ATP13A4: variants seen among roughly 807,000 people sequenced by gnomAD.
ATP13A4 encodes the protein ATPase 13A4, also known as probable cation-transporting ATPase 13A4.
ATP13A4 carries 114 observed loss-of-function variants against 142.5 expected under a neutral mutation model. That is an observed-to-expected ratio of 0.80 (90% CI 0.69 to 0.93). ATP13A4 has a LOEUF of 0.93. Among genes scored for constraint, ATP13A4 ranks in the 40% least tolerant of loss-of-function variants. The pLI is 0.00. For synonymous variants in ATP13A4, 488 were observed against 514.8 expected (o/e 0.95, Z 0.70); for missense variants, 1,392 against 1,454.0 (o/e 0.96, Z 0.69).
chr3:193,552,799 C>T (rs1003039714), intron 1 of ATP13A4, among the ~76,000 whole-genome samples: 3 of 152,198 alleles, frequency 2.0e-5, no homozygotes, highest in African/African-American at 7.2e-5. Context: ...TAGGGAAAGC[C>T]TGTGTGCATC....
At position 193,451,982 on chromosome 3, in the gene ATP13A4, A is replaced by G. The variant is rs969411118; in HGVS notation, c.2027+2119T>C. ...GTGATTTGTGTTTAGACCATACAAG[A>G]TTTTAAGAAGTTAGAATTTCAGTAC... On this transcript the variant is annotated intron_variant, in intron 17 of 29. Transcript: ENST00000342695. Among the ~76,000 whole-genome samples, 6 of 152,150 alleles carry G rather than the reference A, an allele frequency of 3.9e-5. 1 individual carries two copies. Among genetic ancestry groups the G allele is most frequent in the Admixed American group, 3.3e-4 (5 of 15,274 alleles).
intron 8 of ATP13A4, among the ~76,000 whole-genome samples, chr3:193,482,392 C>A (rs917364763): frequency 6.6e-6 from 1 of 152,010 alleles, no homozygotes; most frequent in African/African-American, 2.4e-5. Flanking sequence ...AAAGCATGAT[C>A]CACAATAGAA....
chr3:193,461,866 G>C (rs1717965522), intron 13 of ATP13A4, among the ~76,000 whole-genome samples: 1 of 152,174 alleles, frequency 6.6e-6, no homozygotes. Context: ...CACAGGAGAG[G>C]ACTGTGCAAA....
At chr3:193,504,561 T>C (rs1242595014) in intron 2 of ATP13A4, among the ~76,000 whole-genome samples, 1 of 152,164 alleles carries the variant, frequency 6.6e-6, no homozygotes, top group African/African-American at 2.4e-5. Flanking sequence ...TTGGTAACTA[T>C]TAGAGCAGGC....
intron 7 of ATP13A4, among the ~76,000 whole-genome samples, chr3:193,489,199 C>T (rs1230519992): frequency 4.6e-5 from 7 of 152,082 alleles, no homozygotes; most frequent in Non-Finnish European, 8.8e-5. Flanking sequence ...AAGCCTTGTC[C>T]GGATGAGGTT....
chr3:193,532,509 G>A (rs1391116555), intron 1 of ATP13A4, among the ~76,000 whole-genome samples: 1 of 151,142 alleles, frequency 6.6e-6, no homozygotes. Context: ...CCATTTTTAT[G>A]TATTAAATTG....
chr3:193,432,324 G>C (rs966265871), intron 25 of ATP13A4, among the ~76,000 whole-genome samples: 1 of 152,048 alleles, frequency 6.6e-6, no homozygotes, highest in Non-Finnish European at 1.5e-5. Flanking sequence ...ATGCAAACTA[G>C]TATAGCTGTT....
Position 193,454,120 on chromosome 3 carries a change from G to T in ATP13A4, c.2008C>A (p.His670Asn). The T allele has an allele frequency of 6.2e-7, 1 of 1,613,062 alleles. No homozygotes were observed. Among genetic ancestry groups the T allele is most frequent in the Non-Finnish European group, 8.5e-7 (1 of 1,178,990 alleles). The change falls in exon 17 of 30, where the codon CAC becomes AAC. Residue 670 changes from histidine (H) to asparagine (N), a missense_variant. Physicochemically the swap from His to Asn is moderately conservative, Grantham distance 68. Transcript: ENST00000342695. ...ATTTACCTCGTCAAGGTAGTAGCGT[G>T]ATGGTCATTTTCCAGCTTCTTGTAG... ...LAYKKLENDH[H>N]ATTLTRETVE... is the part of the protein sequence containing the mutation.
chr3:193,456,913 C>G, intron 16 of ATP13A4, 87 bp downstream of exon 16: 8 of 1,494,070 alleles, frequency 5.4e-6, no homozygotes, highest in Non-Finnish European at 7.3e-6. Flanking sequence ...GACCCATAGG[C>G]GATTGAATTA....
At chr3:193,538,939 A>G (rs1420670318) in intron 1 of ATP13A4, among the ~76,000 whole-genome samples, 1 of 144,542 alleles carries the variant, frequency 6.9e-6, no homozygotes, top group Admixed American at 7.1e-5. Context: ...TTGTGCCCCA[A>G]GCTGGAGCAC....
chr3:193,461,545 G>A (rs1048213576), intron 13 of ATP13A4, among the ~76,000 whole-genome samples: 3 of 152,180 alleles, frequency 2.0e-5, no homozygotes, highest in Non-Finnish European at 4.4e-5. Flanking sequence ...TTAGAAGCAC[G>A]AGGATCACTT....
chr3:193,544,643 G>A (rs1402113412), intron 1 of ATP13A4, among the ~76,000 whole-genome samples: 1 of 152,178 alleles, frequency 6.6e-6, no homozygotes, highest in African/African-American at 2.4e-5. Context: ...CAACACCTGT[G>A]ATCCTAATCA....
intron 8 of ATP13A4, among the ~76,000 whole-genome samples, chr3:193,483,614 G>A (rs1300739210): frequency 6.6e-6 from 1 of 151,886 alleles, no homozygotes; most frequent in Non-Finnish European, 1.5e-5. Flanking sequence ...ACAGGCGCTC[G>A]CCACCACGCC....
Position 193,464,939 on chromosome 3 carries a change from C to T in ATP13A4, c.1461+1G>A. 1 of 1,613,496 alleles carries T rather than the reference C, an allele frequency of 6.2e-7. No individual in the cohort carries two copies. Among genetic ancestry groups the T allele is most frequent in the Non-Finnish European group, 8.5e-7 (1 of 1,179,550 alleles). On this transcript the variant is annotated splice_donor_variant, in intron 12 of 29. Transcript: ENST00000342695. LOFTEE classifies it high-confidence loss of function. ...TAAGAATAAGGATGAAACACACATACCTTGTCAAAGCAGACAAGGTTTAAC... is the reference window on the plus strand; with the variant it reads ...TAAGAATAAGGATGAAACACACATATCTTGTCAAAGCAGACAAGGTTTAAC...
At chr3:193,505,151 C>T (rs186033997) in intron 2 of ATP13A4, among the ~76,000 whole-genome samples, 227 of 152,176 alleles carry the variant, frequency 1.5e-3, no homozygotes, top group African/African-American at 5.0e-3. Flanking sequence ...ACAAGTTGTC[C>T]CATGGTGTCT....
rs370458988 is a variant in ATP13A4 at position 193,502,005 on chromosome 3, C to T, written c.381+488G>A. The stretch of plus-strand genomic sequence containing the variant: ...AGCTGGGCTGGGCGGTACATGCCTG[C>T]AATCCCAGCTACTAGGGAGGCTGAG... On this transcript the variant is annotated intron_variant, in intron 3 of 29. Transcript: ENST00000342695. Among the ~76,000 whole-genome samples the T allele has an allele frequency of 6.6e-4, 100 of 151,894 alleles. 1 individual carries two copies. The highest frequency in any genetic ancestry group is 2.2e-3 in the African/African-American group (93 of 41,442).
At chr3:193,412,520 C>T in intron 26 of ATP13A4, 149 bp from the exon 27 acceptor site, 1 of 590,280 alleles carries the variant, frequency 1.7e-6, no homozygotes, top group Non-Finnish European at 2.9e-6. Flanking sequence ...CACACACACA[C>T]ACACACACAC....
chr3:193,535,570 C>T (rs1306145272), intron 1 of ATP13A4, among the ~76,000 whole-genome samples: 10 of 152,090 alleles, frequency 6.6e-5, no homozygotes, highest in Admixed American at 6.6e-4. Context: ...GCACTAACTG[C>T]ATATATTAGA....
At chr3:193,497,781 C>G (rs115771219) in intron 3 of ATP13A4, among the ~76,000 whole-genome samples, 1,549 of 152,090 alleles carry the variant, frequency 0.01, 11 homozygotes, top group Middle Eastern at 0.027. Context: ...TGTGGATGAA[C>G]TTTGAAGAGA....
Sources: allele counts gnomAD v4.1 joint callset (sites outside exome capture counted in the v4.1 genomes callset), GRCh38; gene constraint gnomAD v4.1.1; transcripts MANE v1.5; gene names NCBI Gene and HGNC (gene_info 2026-07-23, HGNC 2026-07-21).